Variants in PARD3B observed in about 807,000 individuals in gnomAD.
PARD3B encodes par-3 family cell polarity regulator beta.
Under a neutral mutation model 130.2 loss-of-function variants are expected in PARD3B, and 103 were observed. The observed-to-expected ratio is 0.79, with a 90% CI of 0.67 to 0.93. PARD3B has a LOEUF of 0.93. Ranked by LOEUF, PARD3B falls within the 40% of genes least tolerant of loss-of-function variation. The pLI, the probability that PARD3B is intolerant of heterozygous loss-of-function variation, is 0.00. For missense variants in PARD3B, 1,609 were observed against 1,499.2 expected, an observed-to-expected ratio of 1.07 and a Z score of -1.21; for synonymous variants, 583 against 553.2, an observed-to-expected ratio of 1.05 and a Z score of -0.76.
At chr2:205,476,162 C>T (rs1165626353) in intron 20 of PARD3B, among the ~76,000 whole-genome samples, 1 of 152,090 alleles carries the variant, frequency 6.6e-6, no homozygotes, top group Admixed American at 6.6e-5. Flanking sequence ...TCCTAATGGA[C>T]AAGCAGTGGA....
chr2:204,863,870 A>G (rs1407632230), intron 2 of PARD3B, among the ~76,000 whole-genome samples: 1 of 152,224 alleles, frequency 6.6e-6, no homozygotes, highest in African/African-American at 2.4e-5. Flanking sequence ...TTTTCAGAAC[A>G]CATCTACAAG....
At chr2:205,549,975 G>A (rs1047177387) in intron 21 of PARD3B, among the ~76,000 whole-genome samples, 2 of 152,124 alleles carry the variant, frequency 1.3e-5, no homozygotes, top group Non-Finnish European at 2.9e-5. Context: ...TGCAGTGGTG[G>A]TGGTAACAGC....
intron 11 of PARD3B, among the ~76,000 whole-genome samples, chr2:205,169,140 C>T (rs947854294): frequency 1.3e-5 from 2 of 152,138 alleles, no homozygotes; most frequent in Admixed American, 6.5e-5. Flanking sequence ...TTACTGGCAT[C>T]GCCATTAATG....
At position 204,863,317 on chromosome 2, in the gene PARD3B, A is replaced by G. The variant is rs1228108589; in HGVS notation, c.223-101835A>G. On this transcript the variant is annotated intron_variant, in intron 2 of 22. Transcript: ENST00000406610. ...CCTGACTCCCAGTGCCTCATCCTCCACTGGAGCGCCATCCTTGCATCACCT... is the reference window on the plus strand; with the variant it reads ...CCTGACTCCCAGTGCCTCATCCTCCGCTGGAGCGCCATCCTTGCATCACCT... Among the ~76,000 whole-genome samples the G allele has an allele frequency of 2.6e-5, 4 of 152,006 alleles. No homozygotes were observed. In the East Asian group the frequency reaches 7.7e-4, roughly 29 times the overall value.
intron 2 of PARD3B, among the ~76,000 whole-genome samples, chr2:204,718,146 C>G (rs1252386424): frequency 1.3e-5 from 2 of 151,952 alleles, no homozygotes; most frequent in South Asian, 4.2e-4. Context: ...AATGTCTCAG[C>G]ATTTGTGTTA....
intron 1 of PARD3B, among the ~76,000 whole-genome samples, chr2:204,548,383 G>T (rs2030177163): frequency 6.6e-6 from 1 of 152,064 alleles, no homozygotes; most frequent in African/African-American, 2.4e-5. Flanking sequence ...GGAACTTCAT[G>T]CTTATGACTT....
intron 3 of PARD3B, among the ~76,000 whole-genome samples, chr2:204,997,160 A>G (rs867319626): frequency 6.6e-6 from 1 of 151,654 alleles, no homozygotes; most frequent in Non-Finnish European, 1.5e-5. Context: ...ACTTTATAAT[A>G]CTCCGTGATA....
At chr2:205,362,932 C>T (rs955820734) in intron 18 of PARD3B, among the ~76,000 whole-genome samples, 1 of 152,046 alleles carries the variant, frequency 6.6e-6, no homozygotes, top group Non-Finnish European at 1.5e-5. Flanking sequence ...TTTATGACAG[C>T]GTTAGAAAGG....
intron 3 of PARD3B, among the ~76,000 whole-genome samples, chr2:204,987,296 A>G (rs1693246155): frequency 6.6e-6 from 1 of 152,220 alleles, no homozygotes; most frequent in Non-Finnish European, 1.5e-5. Context: ...TCAAAAGACT[A>G]ATATTTTCTC....
In PARD3B at chr2:204,903,390, A is replaced by G. The variant is rs548652607; in HGVS notation, c.223-61762A>G. 7.9e-5 allele frequency among the ~76,000 whole-genome samples: 12 copies of G among 152,324 alleles called. No individual in the cohort carries two copies. In the East Asian group the frequency reaches 1.7e-3, roughly 22 times the overall value. ...GAATTTCTTCTTCTCTGTGGGGAGT[A>G]AGGCCTTAGGACATGCCATTTAATT... On this transcript the variant is annotated intron_variant, in intron 2 of 22. Coordinates refer to ENST00000406610, the MANE Select transcript of PARD3B (RefSeq NM_001302769.2).
At chr2:205,054,426 A>ATT (rs1559393007) in intron 4 of PARD3B, among the ~76,000 whole-genome samples, 1 of 23,810 alleles carries the variant, frequency 4.2e-5, no homozygotes, top group African/African-American at 1.4e-4. Flanking sequence ...ATATATATAT[A>ATT]TATATATATA....
At chr2:204,883,243 C>T (rs1298676670) in intron 2 of PARD3B, among the ~76,000 whole-genome samples, 1 of 151,398 alleles carries the variant, frequency 6.6e-6, no homozygotes, top group Non-Finnish European at 1.5e-5. Flanking sequence ...TCATCACTAT[C>T]CTAACAGTTA....
chr2:205,190,761 C>A (rs2036351784), intron 14 of PARD3B, among the ~76,000 whole-genome samples: 1 of 152,112 alleles, frequency 6.6e-6, no homozygotes, highest in Non-Finnish European at 1.5e-5. Context: ...CCCACATCAT[C>A]ACAACAGATC....
chr2:205,540,008 T>C (rs2052050827), intron 21 of PARD3B, among the ~76,000 whole-genome samples: 1 of 152,180 alleles, frequency 6.6e-6, no homozygotes, highest in African/African-American at 2.4e-5. Context: ...GTATCACTAC[T>C]CAGCTTGCAG....
intron 2 of PARD3B, among the ~76,000 whole-genome samples, chr2:204,809,531 G>A (rs2042891218): frequency 6.6e-6 from 1 of 151,870 alleles, no homozygotes; most frequent in Non-Finnish European, 1.5e-5. Context: ...ATTGAACATT[G>A]TCAAAGAACA....
At chr2:204,645,287 A>G (rs2125159716) in intron 1 of PARD3B, among the ~76,000 whole-genome samples, 1 of 152,296 alleles carries the variant, frequency 6.6e-6, no homozygotes, top group South Asian at 2.1e-4. Context: ...TAAGCATGAC[A>G]ATTTATTAGA....
intron 3 of PARD3B, among the ~76,000 whole-genome samples, chr2:204,969,854 T>G (rs1691547299): frequency 6.6e-6 from 1 of 152,072 alleles, no homozygotes; most frequent in South Asian, 2.1e-4. Context: ...GTGGAGAAAA[T>G]GTCTTTTAAA....
rs531966063 is a variant in PARD3B at position 205,589,584 on chromosome 2, T to C, written c.3261-25872T>C. Among the ~76,000 whole-genome samples the C allele has an allele frequency of 6.6e-6, 1 of 152,290 alleles. No homozygotes were observed. The highest frequency in any genetic ancestry group is 2.4e-5 in the African/African-American group (1 of 41,560). ...TTTTGGTACCTTCCTTTTTATTTAC[T>C]CCCTTGGGTCTGAGCAGGCAAGACT... On this transcript the variant is annotated intron_variant, in intron 22 of 22. Transcript: ENST00000406610. This position sits in a 1 kb window ranked among gnomAD's most constrained non-coding sequence, Gnocchi z 4.1.
chr2:205,477,576 T>C (rs2049068844), intron 20 of PARD3B, among the ~76,000 whole-genome samples: 1 of 151,470 alleles, frequency 6.6e-6, no homozygotes, highest in Non-Finnish European at 1.5e-5. Flanking sequence ...TCTGTCCTTG[T>C]TGCTGAACCA....
Sources: gnomAD v4.1 joint callset for allele counts (sites outside exome capture counted in the v4.1 genomes callset) on GRCh38, gnomAD v4.1.1 for gene constraint, Gnocchi (gnomAD v3.1) non-coding constraint, MANE v1.5 for transcripts, NCBI Gene and HGNC (gene_info 2026-07-23, HGNC 2026-07-21) for gene names.